Variants in DTNA observed in about 807,000 individuals in gnomAD.
DTNA encodes dystrobrevin alpha.
Under a neutral mutation model 100.7 loss-of-function variants are expected in DTNA, and 43 were observed. That is an observed-to-expected ratio of 0.43 (90% CI 0.33 to 0.55). The LOEUF is 0.55. DTNA is among the 20% of genes least tolerant of loss of function. DTNA has a pLI of 0.04. For missense variants in DTNA, 798 were observed against 953.9 expected, an observed-to-expected ratio of 0.84 and a Z score of 2.15; for synonymous variants, 349 against 347.9, an observed-to-expected ratio of 1.00 and a Z score of -0.04.
intron 3 of DTNA, among the ~76,000 whole-genome samples, chr18:34,772,782 A>G (rs1431882587): frequency 6.6e-6 from 1 of 152,258 alleles, no homozygotes; most frequent in East Asian, 1.9e-4. Context: ...TTTGTAGGTC[A>G]GAAATCCAAT....
intron 1 of DTNA, among the ~76,000 whole-genome samples, chr18:34,582,481 G>C (rs1285484156): frequency 6.6e-6 from 1 of 152,120 alleles, no homozygotes; most frequent in East Asian, 1.9e-4. Flanking sequence ...GACTACAGCA[G>C]CAAGGCCCTC....
At chr18:34,778,790 T>C (rs1297537051) in intron 3 of DTNA, among the ~76,000 whole-genome samples, 3 of 145,786 alleles carry the variant, frequency 2.1e-5, no homozygotes, top group Admixed American at 1.4e-4. Context: ...AAATAAAAGC[T>C]ATATATATAG....
At chr18:34,570,481 C>T (rs1031104643) in intron 1 of DTNA, among the ~76,000 whole-genome samples, 5 of 152,216 alleles carry the variant, frequency 3.3e-5, no homozygotes, top group African/African-American at 9.6e-5. Flanking sequence ...TACCTAACAT[C>T]TAGCACAAAT....
chr18:34,770,040 G>A (rs555725764), intron 3 of DTNA, among the ~76,000 whole-genome samples: 1 of 152,088 alleles, frequency 6.6e-6, no homozygotes, highest in South Asian at 2.1e-4. Flanking sequence ...TTTTATAAGG[G>A]CACTAATCCC....
At chr18:34,751,454 C>T (rs534659022) in intron 1 of DTNA, among the ~76,000 whole-genome samples, 6 of 150,712 alleles carry the variant, frequency 4.0e-5, no homozygotes, top group South Asian at 2.1e-4. Context: ...CATCTAGCGT[C>T]GATTGGAAAG....
intron 7 of DTNA, 107 bp downstream of exon 7, chr18:34,816,121 T>C (rs1461882652): frequency 1.9e-5 from 22 of 1,136,522 alleles, no homozygotes; most frequent in Non-Finnish European, 2.8e-5. Flanking sequence ...GCCTATTTAG[T>C]GGCTCTTAGT....
intron 2 of DTNA, among the ~76,000 whole-genome samples, chr18:34,758,656 G>T (rs936408695): frequency 1.3e-5 from 2 of 152,194 alleles, no homozygotes; most frequent in Non-Finnish European, 2.9e-5. Flanking sequence ...TGGCACCCAG[G>T]TTCTTGAGAA....
chr18:34,890,279 GC>G lies in DTNA; in HGVS notation c.*2547del. 6.5e-7 allele frequency: 1 copy of G among 1,529,150 alleles called. No individual in the cohort carries two copies. Among genetic ancestry groups the G allele is most frequent in the African/African-American group, 1.4e-5 (1 of 72,844 alleles). 94.7% of individuals were successfully genotyped at this position (1,529,150 alleles called of 1,614,324 possible). A position where few individuals can be genotyped will look rare whatever the true frequency, so the allele number is the denominator to read the frequency against. On this transcript the variant is annotated 3_prime_UTR_variant, in exon 23 of 23. Transcript: ENST00000444659. ...CCAATGACCAATTTCTGACTAACCA[GC>G]CACCTTTTCTCTCTCTTAGCTCCAC...
At chr18:34,545,190 G>A (rs2044646484) in intron 1 of DTNA, among the ~76,000 whole-genome samples, 1 of 151,968 alleles carries the variant, frequency 6.6e-6, no homozygotes, top group Non-Finnish European at 1.5e-5. Flanking sequence ...TTGGAACAAG[G>A]GATCTGATAA....
At chr18:34,626,267 G>A (rs2057311454) in intron 1 of DTNA, among the ~76,000 whole-genome samples, 1 of 152,072 alleles carries the variant, frequency 6.6e-6, no homozygotes, top group Admixed American at 6.5e-5. Flanking sequence ...AGACTCAGAA[G>A]AAATCATTTA....
chr18:34,829,329 T>C, intron 10 of DTNA, 71 bp from the exon 11 acceptor site: 1 of 1,529,128 alleles, frequency 6.5e-7, no homozygotes, highest in Non-Finnish European at 8.8e-7. Flanking sequence ...ACTAAATGTC[T>C]TTCCTCTCTG....
chr18:34,570,884 A>G (rs968967830), intron 1 of DTNA, among the ~76,000 whole-genome samples: 2 of 152,114 alleles, frequency 1.3e-5, no homozygotes, highest in African/African-American at 4.8e-5. Context: ...CCAGGGGAGG[A>G]GTGAAGGATA....
intron 5 of DTNA, among the ~76,000 whole-genome samples, chr18:34,808,748 C>T (rs1301975137): frequency 2.0e-5 from 3 of 152,174 alleles, no homozygotes; most frequent in Non-Finnish European, 2.9e-5. Flanking sequence ...CATCACCCTC[C>T]AAAAAGCACT....
rs764855919 is a variant in DTNA at position 34,517,763 on chromosome 18, AC to A, written c.-2+24254del. The stretch of plus-strand genomic sequence containing the variant: ...AATTTCATTGAGTTCTAGCCACCTT[AC>A]CCCCTGTGTCCATAGTTCATTCCTT... On this transcript the variant is annotated intron_variant, in intron 1 of 19. Transcript: ENST00000283365. Among the ~76,000 whole-genome samples, 228 of 151,878 alleles carry A rather than the reference AC, an allele frequency of 1.5e-3. 1 individual carries two copies. The highest frequency in any genetic ancestry group is 2.6e-3 in the Non-Finnish European group (174 of 67,940).
At chr18:34,759,034 A>G (rs2092966932) in intron 2 of DTNA, among the ~76,000 whole-genome samples, 1 of 152,218 alleles carries the variant, frequency 6.6e-6, no homozygotes, top group Non-Finnish European at 1.5e-5. Context: ...AAATAGCTTT[A>G]TATAAAAAAT....
rs116998180 is a variant in DTNA at position 34,816,376 on chromosome 18, G to A, written c.709+362G>A. ...CACGGTACTGATTATTTCTTCCCAG[G>A]CACTCAGCCAGAAATAGGTGGGAGA... On this transcript the variant is annotated intron_variant, in intron 7 of 22. Transcript: ENST00000444659. Among the ~76,000 whole-genome samples, 193 of 152,072 alleles carry A rather than the reference G, an allele frequency of 1.3e-3. 2 individuals carry two copies. In the East Asian group the frequency reaches 0.026, roughly 21 times the overall value.
chr18:34,686,538 G>A lies in DTNA; in HGVS notation c.-1-69438G>A, dbSNP rs186698262. ...TTTGATATGCTGCTGGATTCAGTTT[G>A]CCAGTACGTTATTGAAGATTTTTGC... On this transcript the variant is annotated intron_variant, in intron 1 of 19. Transcript: ENST00000283365. Among the ~76,000 whole-genome samples, 19 of 152,236 alleles carry A rather than the reference G, an allele frequency of 1.2e-4. No individual in the cohort carries two copies. The East Asian group carries it at 3.5e-3, about 28-fold the overall frequency.
At chr18:34,668,399 G>T (rs1327455881) in intron 1 of DTNA, among the ~76,000 whole-genome samples, 1 of 152,024 alleles carries the variant, frequency 6.6e-6, no homozygotes, top group East Asian at 1.9e-4. Context: ...TTGATTTTTT[G>T]AAGGGTTTTT....
At chr18:34,551,364 A>C (rs1332028412) in intron 1 of DTNA, among the ~76,000 whole-genome samples, 1 of 152,126 alleles carries the variant, frequency 6.6e-6, no homozygotes, top group Non-Finnish European at 1.5e-5. Flanking sequence ...ACTCAAACCA[A>C]GTTCCCAAAA....
Sources: gnomAD v4.1 joint callset for allele counts (sites outside exome capture counted in the v4.1 genomes callset) on GRCh38, gnomAD v4.1.1 for gene constraint, MANE v1.5 for transcripts, NCBI Gene and HGNC (gene_info 2026-07-23, HGNC 2026-07-21) for gene names.